The following CCM2L variants were observed in gnomAD, a reference collection of about 807,000 sequenced individuals.
The protein encoded by CCM2L is cerebral cavernous malformations 2 protein-like.
A neutral mutation model predicts 54.1 loss-of-function variants in CCM2L; 36 were observed. The observed-to-expected ratio is 0.67, with a 90% CI of 0.51 to 0.88. The LOEUF is 0.88. CCM2L is among the 40% of genes least tolerant of loss of function. The probability of loss-of-function intolerance (pLI) is 0.00; values close to 1 mark genes in which losing one functional copy is unlikely to be tolerated. For missense variants in CCM2L, 700 were observed against 812.1 expected, an observed-to-expected ratio of 0.86 and a Z score of 1.68; for synonymous variants, 351 against 359.3, an observed-to-expected ratio of 0.98 and a Z score of 0.26.
chr20:32,029,862 A>G (rs769798590), intron 9 of CCM2L, 24 bp downstream of exon 9: 1 of 1,571,314 alleles, frequency 6.4e-7, no homozygotes, highest in Non-Finnish European at 8.7e-7. Context: ...GTACCCCCAG[A>G]GGTCAGCTAG....
Position 32,019,152 on chromosome 20 carries a change from C to G in CCM2L, c.676C>G (p.Arg226Gly). Residue 226 changes from arginine (R) to glycine (G), a missense_variant, in exon 5 of 10, where the codon CGC becomes GGC. Physicochemically the swap from Arg to Gly is moderately radical, Grantham distance 125. Coordinates refer to ENST00000452892, the MANE Select transcript of CCM2L (RefSeq NM_001365692.1). ...GGGAGGCGGCGGCGGCAGCTTGGAG[C>G]GCCAGCGCGCCGGGGCGCGGGCGTC... ...AGGGGGGSLE[R>G]QRAGARASGS... 1.8e-6 allele frequency: 2 copies of G among 1,117,838 alleles called. No homozygotes were observed. The highest frequency in any genetic ancestry group is 2.2e-6 in the Non-Finnish European group (2 of 909,980). 69.2% of individuals were successfully genotyped at this position (1,117,838 alleles called of 1,614,324 possible).
intron 5 of CCM2L, among the ~76,000 whole-genome samples, chr20:32,022,316 CCTGA>C (rs1362092734): frequency 6.6e-6 from 1 of 152,122 alleles, no homozygotes; most frequent in Admixed American, 6.5e-5. Context: ...GGATTCTAAT[CCTGA>C]CTAATCACTT....
At chr20:32,029,640 A>T in intron 8 of CCM2L, 60 bp from the exon 9 acceptor site, 3 of 1,541,650 alleles carry the variant, frequency 1.9e-6, no homozygotes, top group South Asian at 1.2e-5. Context: ...TGGGCCTTTC[A>T]GGCAGGGGTT....
chr20:32,011,976 T>C (rs2064699283), intron 1 of CCM2L, among the ~76,000 whole-genome samples: 1 of 151,818 alleles, frequency 6.6e-6, no homozygotes, highest in Non-Finnish European at 1.5e-5. Context: ...GTTCGTCTCA[T>C]AATCTAGCCA....
intron 1 of CCM2L, 97 bp downstream of exon 1, chr20:32,010,581 C>T (rs2064684523): frequency 1.9e-6 from 2 of 1,042,806 alleles, no homozygotes; most frequent in East Asian, 2.6e-5. Flanking sequence ...TAGCGAGGGG[C>T]ATAAGTGGAG....
chr20:32,015,575 G>A (rs1377701166), intron 2 of CCM2L, among the ~76,000 whole-genome samples: 1 of 152,234 alleles, frequency 6.6e-6, no homozygotes, highest in Non-Finnish European at 1.5e-5. Flanking sequence ...AGTTGGATGA[G>A]CAGTTGCTGT....
intron 4 of CCM2L, among the ~76,000 whole-genome samples, chr20:32,018,489 A>G (rs900577542): frequency 6.8e-6 from 1 of 147,920 alleles, no homozygotes; most frequent in South Asian, 2.2e-4. Context: ...ATCCGCAGTT[A>G]CCACCCGGCT....
At position 32,018,143 on chromosome 20, in the gene CCM2L, C is replaced by T. The variant is rs767302981; in HGVS notation, c.447C>T (p.His149=). ...CCTACCTGCAGGACGACGCGCTGCA[C>T]CTGCTAGTGCTCAAGACCGGTGCGG... The part of the protein sequence containing the change: ...AASYLQDDAL[H]LLVLKTGLGV... The change falls in exon 4 of 10, where the codon CAC becomes CAT. Residue 149 remains histidine, a synonymous_variant. Transcript: ENST00000452892. The T allele has an allele frequency of 6.3e-7, 1 of 1,586,752 alleles. No individual in the cohort carries two copies. The highest frequency in any genetic ancestry group is 8.5e-7 in the Non-Finnish European group (1 of 1,169,790).
chr20:32,020,243 A>G (rs6061104), intron 5 of CCM2L, among the ~76,000 whole-genome samples: 46,437 of 152,072 alleles, frequency 0.31, 8,339 homozygotes, highest in African/African-American at 0.5. Flanking sequence ...AATGAAACAG[A>G]CATAGTTCCT....
In CCM2L at chr20:32,031,899, G is replaced by A. The variant is rs2122386672; in HGVS notation, c.*585G>A. On this transcript the variant is annotated 3_prime_UTR_variant, in exon 10 of 10. Transcript: ENST00000452892. The stretch of plus-strand genomic sequence containing the variant: ...GATGCCTGACTTGTACAGTCAGTGT[G>A]GAGTAGACGGTTTCCTCCACCCAGG... The A allele has an allele frequency of 6.6e-6, 1 of 152,354 alleles. No homozygotes were observed. The highest frequency in any genetic ancestry group is 6.5e-5 in the Admixed American group (1 of 15,298). 9.4% of individuals were successfully genotyped at this position (152,354 alleles called of 1,614,324 possible). A position where few individuals can be genotyped will look rare whatever the true frequency, so the allele number is the denominator to read the frequency against.
intron 1 of CCM2L, 124 bp from the exon 2 acceptor site, chr20:32,014,780 A>C: frequency 1.1e-6 from 1 of 912,238 alleles, no homozygotes; most frequent in Non-Finnish European, 1.6e-6. Context: ...TGGGACTTAC[A>C]GAGGTACCCC....
At chr20:32,018,797 G>A in intron 4 of CCM2L, 146 bp from the exon 5 acceptor site, 1 of 1,049,756 alleles carries the variant, frequency 9.5e-7, no homozygotes, top group Non-Finnish European at 1.2e-6. Context: ...GGAGTGGGCG[G>A]GGAACCGCCG....
intron 6 of CCM2L, among the ~76,000 whole-genome samples, chr20:32,023,826 G>C (rs1331083882): frequency 2.0e-5 from 3 of 152,230 alleles, no homozygotes; most frequent in Non-Finnish European, 4.4e-5. Context: ...CTGCCTCCCG[G>C]TTCAAGTGAT....
At chr20:32,025,558 AT>A (rs1009006191) in intron 6 of CCM2L, among the ~76,000 whole-genome samples, 17 of 151,362 alleles carry the variant, frequency 1.1e-4, no homozygotes, top group Non-Finnish European at 1.6e-4. Context: ...TGAGCCACAA[AT>A]TTTTTTTTCT....
chr20:32,023,395 A>G (rs2064825158), intron 6 of CCM2L, among the ~76,000 whole-genome samples: 1 of 152,242 alleles, frequency 6.6e-6, no homozygotes, highest in African/African-American at 2.4e-5. Context: ...ATATTGCAGC[A>G]ACCTAAGCAC....
intron 5 of CCM2L, among the ~76,000 whole-genome samples, chr20:32,021,527 T>G (rs1012192850): frequency 1.3e-5 from 2 of 152,058 alleles, no homozygotes; most frequent in Non-Finnish European, 2.9e-5. Context: ...CGTGGTGGTG[T>G]GTGCCTGTCA....
intron 7 of CCM2L, among the ~76,000 whole-genome samples, chr20:32,026,925 G>A (rs756089409): frequency 4.6e-5 from 7 of 152,070 alleles, no homozygotes; most frequent in Non-Finnish European, 8.8e-5. Flanking sequence ...GCTCACGCCT[G>A]TAATCCCAAC....
chr20:32,022,820 C>T, intron 6 of CCM2L, 25 bp downstream of exon 6: 1 of 1,610,574 alleles, frequency 6.2e-7, no homozygotes, highest in Non-Finnish European at 8.5e-7. Context: ...TCCTGGCCTC[C>T]CCTCCTGTGA....
chr20:32,015,082 G>T lies in CCM2L; in HGVS notation c.198+11G>T, dbSNP rs776847955. The T allele has an allele frequency of 1.4e-6, 2 of 1,476,706 alleles. No individual in the cohort carries two copies. The highest frequency in any genetic ancestry group is 2.9e-5 in the African/African-American group (2 of 68,310). 91.5% of individuals were successfully genotyped at this position (1,476,706 alleles called of 1,614,324 possible). A position where few individuals can be genotyped will look rare whatever the true frequency, so the allele number is the denominator to read the frequency against. On this transcript the variant is annotated intron_variant, in intron 2 of 9. Transcript: ENST00000452892. ...GAGAAAGAGGTCAAGGTGCGTGCAG[G>T]ATGAGAAGGGGTGGGAAAACCTTGG...
Sources: allele counts gnomAD v4.1 joint callset (sites outside exome capture counted in the v4.1 genomes callset), GRCh38; gene constraint gnomAD v4.1.1; transcripts MANE v1.5; gene names NCBI Gene and HGNC (gene_info 2026-07-23, HGNC 2026-07-21).